ARIH1: variants seen among roughly 807,000 people sequenced by gnomAD.
ARIH1 encodes ariadne RBR E3 ubiquitin protein ligase 1.
Under a neutral mutation model 85.0 loss-of-function variants are expected in ARIH1, and 8 were observed. The observed-to-expected ratio is 0.09, with a 90% CI of 0.06 to 0.17. The LOEUF is 0.17. Among genes scored for constraint, ARIH1 ranks in the 10% least tolerant of loss-of-function variants. ARIH1 has a pLI of 1.00. For missense variants in ARIH1, 311 were observed against 718.1 expected (o/e 0.43, Z 6.48); for synonymous variants, 238 against 253.6 (o/e 0.94, Z 0.59).
chr15:72,554,076 T>C (rs2064164426), intron 3 of ARIH1, among the ~76,000 whole-genome samples: 1 of 152,244 alleles, frequency 6.6e-6, no homozygotes, highest in Non-Finnish European at 1.5e-5. Flanking sequence ...GGCTGAATAA[T>C]ATTTTATTTA....
intron 3 of ARIH1, among the ~76,000 whole-genome samples, chr15:72,546,449 G>T (rs935645056): frequency 9.9e-5 from 15 of 152,058 alleles, no homozygotes; most frequent in Non-Finnish European, 1.5e-5. Flanking sequence ...GAAATTTTTG[G>T]CTTTAGCGGG....
intron 6 of ARIH1, among the ~76,000 whole-genome samples, chr15:72,562,513 G>GT (rs1208035820): frequency 2.0e-4 from 30 of 149,032 alleles, no homozygotes; most frequent in South Asian, 4.3e-4. Flanking sequence ...GGTGCAGAGT[G>GT]TTTTTTTTTC....
In ARIH1 at chr15:72,594,136, T is replaced by A. The variant is rs1164563495; in HGVS notation, c.*10844T>A. 6.6e-6 allele frequency: 1 copy of A among 151,896 alleles called. No individual in the cohort carries two copies. Among genetic ancestry groups the A allele is most frequent in the African/African-American group, 2.4e-5 (1 of 41,430 alleles). The allele number at this position is 151,896 out of a possible 1,614,324, so 9.4% of individuals were successfully genotyped here. ...GACTTTTTCTTAAGCATTTGATTTT[T>A]AAAATATTTTTGATTTTCTTTTCTT... On this transcript the variant is annotated 3_prime_UTR_variant, in exon 14 of 14. Coordinates refer to ENST00000379887, the MANE Select transcript of ARIH1 (RefSeq NM_005744.5).
intron 11 of ARIH1, among the ~76,000 whole-genome samples, chr15:72,573,033 C>T (rs963540171): frequency 1.3e-5 from 2 of 152,312 alleles, no homozygotes; most frequent in Non-Finnish European, 1.5e-5. Context: ...ATAGTTCCTA[C>T]ATTCACCCAT....
At position 72,513,966 on chromosome 15, in the gene ARIH1, C is replaced by T. The variant is rs1000168854; in HGVS notation, c.376-4101C>T. Reference sequence around the variant, plus strand: ...TCACAGCTCATTGCAACCTCAGCCTCCTCAGCTACTGGGACTAATACGCCA... The same window carrying T: ...TCACAGCTCATTGCAACCTCAGCCTTCTCAGCTACTGGGACTAATACGCCA... On this transcript the variant is annotated intron_variant, in intron 1 of 13. Coordinates refer to ENST00000379887, the MANE Select transcript of ARIH1 (RefSeq NM_005744.5). Among the ~76,000 whole-genome samples the T allele has an allele frequency of 5.3e-5, 8 of 149,544 alleles. No individual in the cohort carries two copies. In the Admixed American group the frequency reaches 5.4e-4, roughly 10 times the overall value.
Position 72,586,453 on chromosome 15 carries a change from T to C in ARIH1, c.*3161T>C, listed in dbSNP as rs957286599. 19 of 152,348 alleles carry C rather than the reference T, an allele frequency of 1.2e-4. No homozygotes were observed. Among genetic ancestry groups the C allele is most frequent in the African/African-American group, 4.3e-4 (18 of 41,588 alleles). The allele number at this position is 152,348 out of a possible 1,614,324, so 9.4% of individuals were successfully genotyped here. A position where few individuals can be genotyped will look rare whatever the true frequency, so the allele number is the denominator to read the frequency against. On this transcript the variant is annotated 3_prime_UTR_variant, in exon 14 of 14. Coordinates refer to ENST00000379887, the MANE Select transcript of ARIH1 (RefSeq NM_005744.5). ...ATTTTGTGCATAGAGCACCCTATGC[T>C]GTGGAAATAACTGTTCTTAGATTTC...
intron 1 of ARIH1, chr15:72,496,770 C>G (rs1245998949): frequency 1.9e-5 from 19 of 983,138 alleles, no homozygotes; most frequent in Non-Finnish European, 2.3e-5. Flanking sequence ...GCCCATTGAT[C>G]TGTCCATCTG....
chr15:72,558,938 C>T (rs1470681827), intron 5 of ARIH1, among the ~76,000 whole-genome samples: 2 of 152,148 alleles, frequency 1.3e-5, no homozygotes, highest in Non-Finnish European at 2.9e-5. Flanking sequence ...GTTTGGCAAT[C>T]AAGGCATCTG....
intron 3 of ARIH1, among the ~76,000 whole-genome samples, chr15:72,552,392 A>T (rs935562638): frequency 1.3e-5 from 2 of 152,006 alleles, no homozygotes; most frequent in Admixed American, 1.3e-4. Context: ...GGTTGAAGGG[A>T]TTCTTCTGCC....
In ARIH1 at chr15:72,567,208, A is replaced by G; in HGVS notation, c.1026+31A>G. On this transcript the variant is annotated intron_variant, in intron 9 of 13. Transcript: ENST00000379887. ...TGTTTTCCTTCAGTAACTCTTGGTAATAAAAATGATAAGGATTGGTACTTT... is the reference window on the plus strand; with the variant it reads ...TGTTTTCCTTCAGTAACTCTTGGTAGTAAAAATGATAAGGATTGGTACTTT... The G allele has an allele frequency of 1.9e-6, 3 of 1,557,284 alleles. No individual in the cohort carries two copies. In the East Asian group the frequency reaches 6.8e-5, roughly 36 times the overall value.
rs1200011881 is a variant in ARIH1 at position 72,593,249 on chromosome 15, C to A, written c.*9957C>A. On this transcript the variant is annotated 3_prime_UTR_variant, in exon 14 of 14. Coordinates refer to ENST00000379887, the MANE Select transcript of ARIH1 (RefSeq NM_005744.5). ...CTTTTCTCATTTTAAAGTTGGGTGT[C>A]TTTTTATTGTAGGTGTTATTCTTTG... 2 of 151,956 alleles carry A rather than the reference C, an allele frequency of 1.3e-5. No homozygotes were observed. The highest frequency in any genetic ancestry group is 2.9e-5 in the Non-Finnish European group (2 of 67,962). 9.4% of individuals were successfully genotyped at this position (151,956 alleles called of 1,614,324 possible).
At chr15:72,548,309 G>A (rs947387109) in intron 3 of ARIH1, among the ~76,000 whole-genome samples, 1 of 152,154 alleles carries the variant, frequency 6.6e-6, no homozygotes. Context: ...CCAAGGAAGA[G>A]AGAATGTACT....
chr15:72,582,061 C>CGA lies in ARIH1; in HGVS notation c.1477-14_1477-13insGA. 6.4e-7 allele frequency: 1 copy of CGA among 1,573,904 alleles called. No individual in the cohort carries two copies. The highest frequency in any genetic ancestry group is 8.7e-7 in the Non-Finnish European group (1 of 1,154,266). Reference sequence around the variant, plus strand: ...TTATTTTGAAGCCAAAATTTACTTTCATTCTTCTTACAGAATAACCAAGCA... The same window carrying CGA: ...TTATTTTGAAGCCAAAATTTACTTTCGAATTCTTCTTACAGAATAACCAAGCA... On this transcript the variant is annotated splice_polypyrimidine_tract_variant and intron_variant, in intron 12 of 13. Transcript: ENST00000379887. The surrounding 1 kb of genome is among the most constrained non-coding windows in gnomAD (Gnocchi z 4.6).
rs751293008 is a variant in ARIH1 at position 72,474,755 on chromosome 15, C to A, written c.116C>A (p.Thr39Asn). ...GACGACGACGAGCCGGACGATGATA[C>A]CCTGGATCTGGGCGAGGTGGAGCTG... The part of the protein sequence containing the change: ...DEDDDEPDDD[T>N]LDLGEVELVE... Residue 39 changes from threonine to asparagine, a missense_variant, in exon 1 of 14, where the codon ACC becomes AAC. Around this residue, in one of 3 missense-constraint regions of ARIH1, gnomAD observed 157 missense variants for 185.1 expected, o/e 0.85. Coordinates refer to ENST00000379887, the MANE Select transcript of ARIH1 (RefSeq NM_005744.5). The A allele has an allele frequency of 5.8e-6, 9 of 1,553,368 alleles. No homozygotes were observed. Among genetic ancestry groups the A allele is most frequent in the African/African-American group, 1.4e-5 (1 of 70,538 alleles).
chr15:72,583,517 CAG>C lies in ARIH1; in HGVS notation c.*227_*228del. On this transcript the variant is annotated 3_prime_UTR_variant, in exon 14 of 14. Coordinates refer to ENST00000379887, the MANE Select transcript of ARIH1 (RefSeq NM_005744.5). ...TTCTAGGCCACCAACAAAAGTGTGACAGACACACTAAAAGCCCTCCAACTTTA... is the reference window on the plus strand; with the variant it reads ...TTCTAGGCCACCAACAAAAGTGTGACACACACTAAAAGCCCTCCAACTTTA... The C allele has an allele frequency of 2.4e-6, 1 of 421,430 alleles. No individual in the cohort carries two copies. Among genetic ancestry groups the C allele is most frequent in the East Asian group, 3.4e-5 (1 of 29,414 alleles). 26.1% of individuals were successfully genotyped at this position (421,430 alleles called of 1,614,324 possible).
chr15:72,568,814 T>G (rs1233317478), intron 9 of ARIH1, among the ~76,000 whole-genome samples: 1 of 152,176 alleles, frequency 6.6e-6, no homozygotes, highest in Non-Finnish European at 1.5e-5. Flanking sequence ...AATATATAAT[T>G]AAAAAGTTGC....
chr15:72,595,206 C>G lies in ARIH1; in HGVS notation c.*11914C>G, dbSNP rs1192444433. 2 of 152,300 alleles carry G rather than the reference C, an allele frequency of 1.3e-5. No homozygotes were observed. Among genetic ancestry groups the G allele is most frequent in the East Asian group, 1.9e-4 (1 of 5,192 alleles). The allele number at this position is 152,300 out of a possible 1,614,324, so 9.4% of individuals were successfully genotyped here. ...TTGCTGTTTTAGAGACAGTCTCACT[C>G]TTTTGCTCAGGCTGCCAGGCTGGAG... On this transcript the variant is annotated 3_prime_UTR_variant, in exon 14 of 14. Transcript: ENST00000379887.
At chr15:72,546,939 G>C (rs199605507) in intron 3 of ARIH1, among the ~76,000 whole-genome samples, 6 of 143,006 alleles carry the variant, frequency 4.2e-5, no homozygotes, top group East Asian at 4.2e-4. Context: ...TTTGGAGGGG[G>C]GGGGGTGGGA....
chr15:72,504,333 T>C (rs147130297), intron 1 of ARIH1, among the ~76,000 whole-genome samples: 24 of 152,238 alleles, frequency 1.6e-4, no homozygotes, highest in African/African-American at 5.3e-4. Flanking sequence ...GGGATTACAG[T>C]GTGAGCCACC....
Sources: gnomAD v4.1 joint callset for allele counts (sites outside exome capture counted in the v4.1 genomes callset) on GRCh38, gnomAD v4.1.1 for gene constraint, gnomAD v4.1.1 regional missense constraint, Gnocchi (gnomAD v3.1) non-coding constraint, MANE v1.5 for transcripts, NCBI Gene and HGNC (gene_info 2026-07-23, HGNC 2026-07-21) for gene names.